Variants in KDM4B observed in about 807,000 individuals in gnomAD.
KDM4B encodes lysine-specific demethylase 4B.
A neutral mutation model predicts 125.2 loss-of-function variants in KDM4B; 32 were observed. The observed-to-expected ratio is 0.26, with a 90% CI of 0.19 to 0.34. KDM4B has a LOEUF of 0.34. Among genes scored for constraint, KDM4B ranks in the 10% least tolerant of loss-of-function variants. The pLI is 1.00. For missense variants in KDM4B, 1,190 were observed against 1,577.7 expected, an observed-to-expected ratio of 0.75 and a Z score of 4.16; for synonymous variants, 721 against 677.9, an observed-to-expected ratio of 1.06 and a Z score of -0.99.
intron 1 of KDM4B, among the ~76,000 whole-genome samples, chr19:5,009,338 T>C (rs1249832046): frequency 1.3e-5 from 2 of 152,236 alleles, no homozygotes; most frequent in Non-Finnish European, 2.9e-5. Context: ...ATGCAGAGGT[T>C]GGTGACAAAT....
intron 11 of KDM4B, among the ~76,000 whole-genome samples, chr19:5,130,517 C>T (rs1208270838): frequency 1.3e-5 from 2 of 152,230 alleles, no homozygotes; most frequent in South Asian, 4.1e-4. Flanking sequence ...TCCTGGTTCG[C>T]TCATGTGACC....
intron 2 of KDM4B, among the ~76,000 whole-genome samples, chr19:5,018,019 G>A (rs2035947661): frequency 6.7e-6 from 1 of 149,902 alleles, no homozygotes; most frequent in Non-Finnish European, 1.5e-5. Context: ...GATTACAGGC[G>A]TGAGCCACTG....
chr19:5,025,969 G>A (rs1041864711), intron 2 of KDM4B, among the ~76,000 whole-genome samples: 2 of 151,900 alleles, frequency 1.3e-5, no homozygotes, highest in African/African-American at 4.8e-5. Context: ...TGCAACCTCT[G>A]CCTCCTGGGT....
intron 9 of KDM4B, among the ~76,000 whole-genome samples, chr19:5,108,120 G>A (rs369678028): frequency 6.6e-6 from 1 of 152,370 alleles, no homozygotes; most frequent in South Asian, 2.1e-4. Context: ...AGTGCACTCC[G>A]TGGAGCGTGT....
At chr19:5,039,026 G>A (rs1376215800) in intron 3 of KDM4B, among the ~76,000 whole-genome samples, 2 of 152,264 alleles carry the variant, frequency 1.3e-5, no homozygotes, top group African/African-American at 2.4e-5. Flanking sequence ...TCCAACCCCT[G>A]TTCTCCAGGT....
At chr19:5,120,792 G>A (rs2039346293) in intron 11 of KDM4B, among the ~76,000 whole-genome samples, 4 of 152,110 alleles carry the variant, frequency 2.6e-5, no homozygotes, top group Non-Finnish European at 4.4e-5. Flanking sequence ...CTTTCCAGGT[G>A]CCATGCAGGG....
At chr19:5,069,459 GCCA>G (rs1336264766) in intron 6 of KDM4B, among the ~76,000 whole-genome samples, 1 of 151,996 alleles carries the variant, frequency 6.6e-6, no homozygotes, top group Non-Finnish European at 1.5e-5. Context: ...ACAGGCGCCT[GCCA>G]CCACGCCTGG....
At chr19:5,124,297 G>A (rs892279153) in intron 11 of KDM4B, among the ~76,000 whole-genome samples, 1 of 152,090 alleles carries the variant, frequency 6.6e-6, no homozygotes, top group Non-Finnish European at 1.5e-5. Flanking sequence ...CCAGGCCGGC[G>A]CGGTGGGGGA....
At chr19:5,117,128 A>C (rs887786098) in intron 10 of KDM4B, among the ~76,000 whole-genome samples, 5 of 152,142 alleles carry the variant, frequency 3.3e-5, no homozygotes, top group Non-Finnish European at 5.9e-5. Flanking sequence ...CAGGGGTCTC[A>C]GCCTGGCACT....
chr19:4,996,030 G>T (rs1390149472), intron 1 of KDM4B, among the ~76,000 whole-genome samples: 1 of 151,684 alleles, frequency 6.6e-6, no homozygotes, highest in Non-Finnish European at 1.5e-5. Flanking sequence ...TCGCTCTGTC[G>T]CCCAGGCTGG....
intron 5 of KDM4B, among the ~76,000 whole-genome samples, chr19:5,043,107 C>T (rs1208252462): frequency 2.6e-5 from 4 of 151,412 alleles, no homozygotes; most frequent in South Asian, 2.1e-4. Flanking sequence ...CCCCTTATCC[C>T]GCACGGCGTT....
At chr19:5,019,960 G>T (rs1015559203) in intron 2 of KDM4B, among the ~76,000 whole-genome samples, 5 of 142,466 alleles carry the variant, frequency 3.5e-5, no homozygotes, top group Admixed American at 2.1e-4. Context: ...GTGTGCAGGT[G>T]TTAGTGTGCA....
chr19:5,085,165 G>T (rs1009483346), intron 9 of KDM4B, among the ~76,000 whole-genome samples: 1 of 152,222 alleles, frequency 6.6e-6, no homozygotes, highest in Non-Finnish European at 1.5e-5. Context: ...AAGAACAGGG[G>T]TCTACAGCAG....
rs113130861 is a variant in KDM4B, at chr19:5,133,858, C to T, written c.1907-25C>T. The T allele has an allele frequency of 1.7e-3, 2,787 of 1,609,242 alleles. 20 individuals are homozygous for T. In the African/African-American group the frequency reaches 0.022, roughly 13 times the overall value. On this transcript the variant is annotated intron_variant, in intron 13 of 22. Coordinates refer to ENST00000159111, the MANE Select transcript of KDM4B (RefSeq NM_015015.3). Reference sequence around the variant, plus strand: ...GTTTTTAGGGGGCTCAAGTGTCTCTCTCCCTCTCCCCTCTGTTCTTCTAGA... The same window carrying T: ...GTTTTTAGGGGGCTCAAGTGTCTCTTTCCCTCTCCCCTCTGTTCTTCTAGA...
intron 1 of KDM4B, among the ~76,000 whole-genome samples, chr19:4,998,364 G>A (rs907241363): frequency 1.3e-5 from 2 of 152,102 alleles, no homozygotes; most frequent in Admixed American, 6.6e-5. Flanking sequence ...AATTTTTTTG[G>A]ACATAATTTC....
In KDM4B at chr19:5,052,184, C is replaced by T. The variant is rs1408846315; in HGVS notation, c.626+4515C>T. On this transcript the variant is annotated intron_variant, in intron 6 of 22. Coordinates refer to ENST00000159111, the MANE Select transcript of KDM4B (RefSeq NM_015015.3). ...GCTACACCTTGAGTTTTCTCTCTGG[C>T]GTTTTCCCTCATGGGAATTTCACAG... Among the ~76,000 whole-genome samples, 5 of 152,282 alleles carry T rather than the reference C, an allele frequency of 3.3e-5. No individual in the cohort carries two copies. In the East Asian group the frequency reaches 9.6e-4, roughly 29 times the overall value.
At chr19:5,057,405 T>C (rs1389095873) in intron 6 of KDM4B, among the ~76,000 whole-genome samples, 1 of 152,242 alleles carries the variant, frequency 6.6e-6, no homozygotes, top group African/African-American at 2.4e-5. Context: ...CCCCACTGTA[T>C]GGCTGGACTT....
rs190119045 is a variant in KDM4B at position 5,021,904 on chromosome 19, G to T, written c.-26+5565G>T. Among the ~76,000 whole-genome samples the T allele has an allele frequency of 8.3e-4, 126 of 152,288 alleles. 1 individual carries two copies. The highest frequency in any genetic ancestry group is 5.6e-3 in the Admixed American group (86 of 15,286). The stretch of plus-strand genomic sequence containing the variant: ...CTGCCTCGTCCTCCCAAAGTGTTGG[G>T]ATTACAGGCGTGAGCCACCATATCC... On this transcript the variant is annotated intron_variant, in intron 2 of 22. Coordinates refer to ENST00000159111, the MANE Select transcript of KDM4B (RefSeq NM_015015.3).
intron 11 of KDM4B, among the ~76,000 whole-genome samples, chr19:5,120,866 C>T (rs765019590): frequency 6.6e-6 from 1 of 152,196 alleles, no homozygotes; most frequent in Non-Finnish European, 1.5e-5. Context: ...AGCCACAGTG[C>T]CTGAGGCCCA....
Sources: allele counts gnomAD v4.1 joint callset (sites outside exome capture counted in the v4.1 genomes callset), GRCh38; gene constraint gnomAD v4.1.1; transcripts MANE v1.5; gene names NCBI Gene and HGNC (gene_info 2026-07-23, HGNC 2026-07-21).